The following TTC13 variants were observed in gnomAD, a reference collection of about 807,000 sequenced individuals.
TTC13 encodes tetratricopeptide repeat domain 13, also known as tetratricopeptide repeat protein 13.
TTC13 carries 62 observed loss-of-function variants against 120.0 expected under a neutral mutation model. The observed-to-expected ratio is 0.52, with a 90% CI of 0.42 to 0.64. The LOEUF is 0.64. Among genes scored for constraint, TTC13 ranks in the 30% least tolerant of loss-of-function variants. TTC13 has a pLI of 0.00. For synonymous variants in TTC13, 384 were observed against 393.5 expected (o/e 0.98, Z 0.28); for missense variants, 824 against 1,050.2 (o/e 0.78, Z 2.98).
intron 14 of TTC13, 145 bp downstream of exon 14, chr1:230,924,693 TTTC>T (rs1672899519): frequency 1.2e-6 from 1 of 831,196 alleles, no homozygotes; most frequent in Non-Finnish European, 1.9e-6. Flanking sequence ...ATGCCAGCAA[TTTC>T]TAACAAACTT....
At chr1:230,960,521 T>C (rs1192122136) in intron 2 of TTC13, among the ~76,000 whole-genome samples, 1 of 151,886 alleles carries the variant, frequency 6.6e-6, no homozygotes, top group African/African-American at 2.4e-5. Context: ...TTCTCTAGTT[T>C]GCAGTTTCAA....
chr1:230,958,320 AC>A lies in TTC13; in HGVS notation c.367-22del, dbSNP rs773356413. ...TGGCTCTGGGAAAAAAAAAAAAAAA[AC>A]CCATACATTTTAGCTATCACAAATG... On this transcript the variant is annotated intron_variant, in intron 2 of 22. Transcript: ENST00000366661. 5.7e-5 allele frequency: 79 copies of A among 1,379,980 alleles called. No homozygotes were observed. In the Middle Eastern group the frequency reaches 1.3e-3, roughly 24 times the overall value. The allele number at this position is 1,379,980 out of a possible 1,614,324, so 85.5% of individuals were successfully genotyped here. A position where few individuals can be genotyped will look rare whatever the true frequency, so the allele number is the denominator to read the frequency against.
intron 11 of TTC13, 51 bp from the exon 12 acceptor site, chr1:230,929,144 T>TTC (rs748937788): frequency 6.4e-7 from 1 of 1,552,492 alleles, no homozygotes; most frequent in South Asian, 1.2e-5. Context: ...TAAAGAAACT[T>TTC]TCTTATGGCT....
At chr1:230,923,811 AAAG>A in intron 15 of TTC13, 27 bp downstream of exon 15, 1 of 1,579,968 alleles carries the variant, frequency 6.3e-7, no homozygotes, top group East Asian at 2.2e-5. Context: ...ACTCCTAGGA[AAAG>A]AAGAAAGATG....
At position 230,961,191 on chromosome 1, in the gene TTC13, C is replaced by A. The variant is rs750439894; in HGVS notation, c.366+18G>T. 2 of 1,602,528 alleles carry A rather than the reference C, an allele frequency of 1.2e-6. No individual in the cohort carries two copies. The highest frequency in any genetic ancestry group is 4.5e-5 in the East Asian group (2 of 44,812). Reference sequence around the variant, plus strand: ...GGCTTCAGGTTACAAAAACAGAACACAGAGAGAAGATGCATACCAGAATCT... The same window carrying A: ...GGCTTCAGGTTACAAAAACAGAACAAAGAGAGAAGATGCATACCAGAATCT... On this transcript the variant is annotated intron_variant, in intron 2 of 22. Transcript: ENST00000366661.
At chr1:230,931,155 G>T in intron 11 of TTC13, 143 bp downstream of exon 11, 2 of 693,466 alleles carry the variant, frequency 2.9e-6, no homozygotes, top group Non-Finnish European at 4.8e-6. Context: ...CTCGACACTA[G>T]CACTGACAAG....
intron 17 of TTC13, among the ~76,000 whole-genome samples, chr1:230,916,861 G>A (rs892205325): frequency 2.0e-5 from 3 of 152,150 alleles, no homozygotes; most frequent in African/African-American, 2.4e-5. Flanking sequence ...AATGGCTTTC[G>A]GAGTGATAAA....
chr1:230,936,395 C>T (rs761294626), intron 8 of TTC13: 13 of 378,324 alleles, frequency 3.4e-5, no homozygotes, highest in African/African-American at 1.1e-4. Flanking sequence ...GCCATCCCAC[C>T]ATTTTCAGTC....
chr1:230,930,701 C>T (rs548065700), intron 11 of TTC13, among the ~76,000 whole-genome samples: 24 of 152,120 alleles, frequency 1.6e-4, no homozygotes, highest in Admixed American at 2.0e-4. Context: ...AGGTGGATCA[C>T]GAGGTCAAGA....
intron 15 of TTC13, among the ~76,000 whole-genome samples, chr1:230,923,437 G>A (rs752397353): frequency 1.1e-4 from 16 of 152,008 alleles, no homozygotes; most frequent in Non-Finnish European, 1.9e-4. Flanking sequence ...GCCGCCCACC[G>A]TGAGAGACTC....
intron 4 of TTC13, among the ~76,000 whole-genome samples, chr1:230,949,858 C>T (rs1200178345): frequency 1.3e-5 from 2 of 151,324 alleles, no homozygotes; most frequent in Non-Finnish European, 3.0e-5. Flanking sequence ...ACCATGTTAG[C>T]CAGGATAGTC....
In TTC13 at chr1:230,906,443, C is replaced by T. The variant is rs1013649421; in HGVS notation, c.*462G>A. On this transcript the variant is annotated 3_prime_UTR_variant, in exon 23 of 23. Coordinates refer to ENST00000366661, the MANE Select transcript of TTC13 (RefSeq NM_024525.5). ...ACCTTCTTCCATGGTTCTAATAAAA[C>T]AAAGGACCCACACATGGAGGTTACG... is the stretch of plus-strand genomic sequence containing the variant. 6.6e-6 allele frequency: 1 copy of T among 152,196 alleles called. No individual in the cohort carries two copies. Among genetic ancestry groups the T allele is most frequent in the African/African-American group, 2.4e-5 (1 of 41,418 alleles). 9.4% of individuals were successfully genotyped at this position (152,196 alleles called of 1,614,324 possible).
intron 3 of TTC13, among the ~76,000 whole-genome samples, chr1:230,957,645 A>G (rs1181759296): frequency 6.6e-6 from 1 of 152,164 alleles, no homozygotes. Flanking sequence ...CACTTCTTCA[A>G]ATGTAAACTC....
chr1:230,971,100 C>T (rs971608862), intron 1 of TTC13, among the ~76,000 whole-genome samples: 1 of 152,046 alleles, frequency 6.6e-6, no homozygotes, highest in African/African-American at 2.4e-5. Flanking sequence ...AATGCCAGCA[C>T]TTTGGGAGGC....
intron 20 of TTC13, 72 bp from the exon 21 acceptor site, chr1:230,909,092 A>G (rs1671234514): frequency 8.3e-7 from 1 of 1,201,744 alleles, no homozygotes; most frequent in African/African-American, 1.5e-5. Context: ...TTCACCATGG[A>G]CTTCCCATCA....
chr1:230,956,521 A>G (rs920394884), intron 3 of TTC13: 4 of 382,314 alleles, frequency 1.0e-5, no homozygotes, highest in African/African-American at 8.6e-5. Flanking sequence ...TCAAATCTAA[A>G]TTTTTATTTC....
At chr1:230,937,233 C>T (rs1674148096) in intron 8 of TTC13, among the ~76,000 whole-genome samples, 1 of 152,178 alleles carries the variant, frequency 6.6e-6, no homozygotes, top group South Asian at 2.1e-4. Flanking sequence ...TTTTCAAATA[C>T]CCCAAAGAGC....
intron 4 of TTC13, among the ~76,000 whole-genome samples, chr1:230,953,702 T>C (rs1031991070): frequency 1.3e-5 from 2 of 152,146 alleles, no homozygotes; most frequent in African/African-American, 4.8e-5. Context: ...CAACAGTGCA[T>C]ACAGTTGAAT....
rs749155930 is a variant in TTC13, at chr1:230,940,381, T to A, written c.789+59A>T. On this transcript the variant is annotated intron_variant, in intron 7 of 22. Transcript: ENST00000366661. This position sits in a 1 kb window ranked among gnomAD's most constrained non-coding sequence, Gnocchi z 4.1. ...TCTATCAAAGAGTCACTTTCTGAGGTCAAGGGAAAAATGAAATCTTCATCA... is the reference window on the plus strand; with the variant it reads ...TCTATCAAAGAGTCACTTTCTGAGGACAAGGGAAAAATGAAATCTTCATCA... 3 of 1,139,586 alleles carry A rather than the reference T, an allele frequency of 2.6e-6. No individual in the cohort carries two copies. The highest frequency in any genetic ancestry group is 3.9e-6 in the Non-Finnish European group (3 of 760,810). The allele number at this position is 1,139,586 out of a possible 1,614,324, so 70.6% of individuals were successfully genotyped here.
Sources: gnomAD v4.1 joint callset for allele counts (sites outside exome capture counted in the v4.1 genomes callset) on GRCh38, gnomAD v4.1.1 for gene constraint, Gnocchi (gnomAD v3.1) non-coding constraint, MANE v1.5 for transcripts, NCBI Gene and HGNC (gene_info 2026-07-23, HGNC 2026-07-21) for gene names.